The following NFKBIL1 variants were observed in gnomAD, a reference collection of about 807,000 sequenced individuals.
NFKBIL1 encodes NF-kappa-B inhibitor-like protein 1.
Under a neutral mutation model 45.4 loss-of-function variants are expected in NFKBIL1, and 30 were observed. The ratio of observed to expected loss-of-function variants is 0.66; its 90% CI spans 0.49 to 0.90. NFKBIL1 has a LOEUF of 0.90. Ranked by LOEUF, NFKBIL1 falls within the 40% of genes least tolerant of loss-of-function variation. The pLI is 0.00. For synonymous variants in NFKBIL1, 179 were observed against 197.3 expected, an observed-to-expected ratio of 0.91 and a Z score of 0.78; for missense variants, 434 against 513.4, an observed-to-expected ratio of 0.85 and a Z score of 1.49.
intron 2 of NFKBIL1, among the ~76,000 whole-genome samples, chr6:31,550,512 T>C (rs1048314650): frequency 2.6e-5 from 4 of 152,228 alleles, no homozygotes; most frequent in East Asian, 1.9e-4. Flanking sequence ...GTAGGTTTAC[T>C]GAGTGCAGGC....
rs1167506731 is a variant in NFKBIL1 at position 31,558,109 on chromosome 6, A to G, written c.644A>G (p.Gln215Arg). Residue 215 changes from glutamine to arginine, a missense_variant, in exon 4 of 4, where the codon CAG becomes CGG. Coordinates refer to ENST00000376148, the MANE Select transcript of NFKBIL1 (RefSeq NM_005007.4). The surrounding 1 kb of genome is among the most constrained non-coding windows in gnomAD (Gnocchi z 7.2). ...LAREHAQKCQ[Q>R]QQREAEGSRR... is the part of the protein sequence containing the mutation. The stretch of plus-strand genomic sequence containing the variant: ...CGGGAACATGCCCAGAAGTGCCAGC[A>G]GCAGCAGCGAGAAGCAGAGGGATCC... The G allele has an allele frequency of 2.5e-6, 4 of 1,612,002 alleles. No homozygotes were observed. The highest frequency in any genetic ancestry group is 3.3e-5 in the Admixed American group (2 of 59,944).
intron 2 of NFKBIL1, among the ~76,000 whole-genome samples, chr6:31,555,126 A>G (rs1353682638): frequency 6.6e-6 from 1 of 152,096 alleles, no homozygotes. Context: ...CAACTTAATT[A>G]TATCCCTTTC....
chr6:31,549,541 C>A (rs1177377731), intron 2 of NFKBIL1, among the ~76,000 whole-genome samples: 1 of 150,668 alleles, frequency 6.6e-6, no homozygotes, highest in Non-Finnish European at 1.5e-5. Flanking sequence ...TGTGAGCCAC[C>A]ACACCTGGCC....
rs867085570 is a variant in NFKBIL1 at position 31,558,366 on chromosome 6, C to T, written c.901C>T (p.Pro301Ser). 6.4e-7 allele frequency: 1 copy of T among 1,554,806 alleles called. No homozygotes were observed. The highest frequency in any genetic ancestry group is 1.2e-5 in the South Asian group (1 of 84,632). Residue 301 changes from proline to serine, a missense_variant, in exon 4 of 4, where the codon CCC becomes TCC. By Grantham distance (74) the Pro-to-Ser change is moderately conservative. Coordinates refer to ENST00000376148, the MANE Select transcript of NFKBIL1 (RefSeq NM_005007.4). The surrounding 1 kb of genome is among the most constrained non-coding windows in gnomAD (Gnocchi z 7.2). ...RGSLWRFGDVPWPCPGGGDPE... is the reference protein window; with the variant it reads ...RGSLWRFGDVSWPCPGGGDPE... ...CAGCCTCTGGCGATTTGGTGATGTGCCCTGGCCCTGCCCTGGGGGAGGGGA... is the reference window on the plus strand; with the variant it reads ...CAGCCTCTGGCGATTTGGTGATGTGTCCTGGCCCTGCCCTGGGGGAGGGGA...
chr6:31,552,337 A>G (rs1769474156), intron 2 of NFKBIL1, among the ~76,000 whole-genome samples: 1 of 151,974 alleles, frequency 6.6e-6, no homozygotes, highest in Non-Finnish European at 1.5e-5. Flanking sequence ...CAGTGGCACA[A>G]TCTCGGCTCA....
At chr6:31,556,563 C>A in intron 2 of NFKBIL1, 1 of 384,764 alleles carries the variant, frequency 2.6e-6, no homozygotes, top group Admixed American at 2.7e-5. Context: ...TGGCACTCAG[C>A]TAACCTTGGG....
At position 31,553,283 on chromosome 6, in the gene NFKBIL1, C is replaced by G. The variant is rs192437545; in HGVS notation, c.335-4345C>G. Among the ~76,000 whole-genome samples, 207 of 152,214 alleles carry G rather than the reference C, an allele frequency of 1.4e-3. 13 individuals carry two copies. The South Asian group carries it at 0.034, about 25-fold the overall frequency. On this transcript the variant is annotated intron_variant, in intron 2 of 3. Transcript: ENST00000376148. Reference sequence around the variant, plus strand: ...TCCTGTCCTGACCTGAGGTGATCCACCCACCTCAGCTTCCCAAAGTGCTGG... The same window carrying G: ...TCCTGTCCTGACCTGAGGTGATCCAGCCACCTCAGCTTCCCAAAGTGCTGG...
At chr6:31,553,725 G>A (rs1385727384) in intron 2 of NFKBIL1, among the ~76,000 whole-genome samples, 4 of 152,012 alleles carry the variant, frequency 2.6e-5, no homozygotes, top group Non-Finnish European at 5.9e-5. Flanking sequence ...GTCCAGTCGC[G>A]CAATCTTGGC....
chr6:31,549,433 G>A (rs1251921709), intron 2 of NFKBIL1, among the ~76,000 whole-genome samples: 1 of 149,910 alleles, frequency 6.7e-6, no homozygotes, highest in African/African-American at 2.5e-5. Context: ...TATATTTTTA[G>A]AAGAGATGGG....
intron 2 of NFKBIL1, among the ~76,000 whole-genome samples, chr6:31,550,914 C>T (rs538351032): frequency 6.6e-6 from 1 of 152,224 alleles, no homozygotes; most frequent in Admixed American, 6.5e-5. Flanking sequence ...CTCAAACTCC[C>T]GACCTCAGGT....
At chr6:31,550,246 C>G (rs1434158853) in intron 2 of NFKBIL1, among the ~76,000 whole-genome samples, 1 of 151,680 alleles carries the variant, frequency 6.6e-6, no homozygotes, top group Non-Finnish European at 1.5e-5. Flanking sequence ...ATAGGTAGAG[C>G]CCTGCTTACT....
rs780357646 is a variant in NFKBIL1, at chr6:31,557,701, G to A, written c.408G>A (p.Glu136=). 6.2e-7 allele frequency: 1 copy of A among 1,605,210 alleles called. No homozygotes were observed. Among genetic ancestry groups the A allele is most frequent in the South Asian group, 1.1e-5 (1 of 89,630 alleles). Residue 136 remains glutamate (E), a synonymous_variant, in exon 3 of 4, where the codon GAG becomes GAA. Coordinates refer to ENST00000376148, the MANE Select transcript of NFKBIL1 (RefSeq NM_005007.4). The surrounding 1 kb of genome is among the most constrained non-coding windows in gnomAD (Gnocchi z 5.4). ...TGGGAATAAAGAATAAGGATGGGGA[G>A]ACCCCTGGCCAAATTTTGGGCTGGG... ...SAMGIKNKDG[E]TPGQILGWGP... is the part of the protein sequence containing the mutation.
chr6:31,558,269 T>G lies in NFKBIL1; in HGVS notation c.804T>G (p.Ala268=). 1 of 1,588,904 alleles carries G rather than the reference T, an allele frequency of 6.3e-7. No homozygotes were observed. Among genetic ancestry groups the G allele is most frequent in the Non-Finnish European group, 8.6e-7 (1 of 1,167,650 alleles). ...RESRARRAQE[A]LGDREPKPTR... ...GCCGAGCCAGGAGGGCGCAGGAGGC[T>G]CTAGGGGACCGAGAACCCAAGCCAA... The change falls in exon 4 of 4, where the codon GCT becomes GCG. Residue 268 remains alanine, a synonymous_variant. Coordinates refer to ENST00000376148, the MANE Select transcript of NFKBIL1 (RefSeq NM_005007.4). This position sits in a 1 kb window ranked among gnomAD's most constrained non-coding sequence, Gnocchi z 7.2.
In NFKBIL1 at chr6:31,557,562, A is replaced by G; in HGVS notation, c.335-66A>G. 1 of 1,327,810 alleles carries G rather than the reference A, an allele frequency of 7.5e-7. No individual in the cohort carries two copies. The highest frequency in any genetic ancestry group is 2.4e-5 in the East Asian group (1 of 40,930). The allele number at this position is 1,327,810 out of a possible 1,614,324, so 82.3% of individuals were successfully genotyped here. On this transcript the variant is annotated intron_variant, in intron 2 of 3. Transcript: ENST00000376148. This position sits in a 1 kb window ranked among gnomAD's most constrained non-coding sequence, Gnocchi z 5.4. ...GGGAGCGAGTGACCAGCAGGATTCA[A>G]GATGGCAGCTCTGCCGAGGAGTGGG... is the stretch of plus-strand genomic sequence containing the variant.
intron 2 of NFKBIL1, among the ~76,000 whole-genome samples, chr6:31,552,853 C>T (rs1322482098): frequency 8.8e-5 from 13 of 147,706 alleles, no homozygotes; most frequent in Admixed American, 3.4e-4. Context: ...TACAGGCGCC[C>T]GCCACCACGC....
Position 31,557,303 on chromosome 6 carries a change from T to G in NFKBIL1, c.335-325T>G, listed in dbSNP as rs1303180345. ...TTTGTATTTTTTAGTAGAGATGGGA[T>G]TTCACCATGTTAGCCAGGATGGTCT... On this transcript the variant is annotated intron_variant, in intron 2 of 3. Coordinates refer to ENST00000376148, the MANE Select transcript of NFKBIL1 (RefSeq NM_005007.4). The surrounding 1 kb of genome is among the most constrained non-coding windows in gnomAD (Gnocchi z 5.4). Among the ~76,000 whole-genome samples, 1 of 152,098 alleles carries G rather than the reference T, an allele frequency of 6.6e-6. No individual in the cohort carries two copies. Among genetic ancestry groups the G allele is most frequent in the Non-Finnish European group, 1.5e-5 (1 of 68,002 alleles).
At chr6:31,555,804 A>G (rs1447755275) in intron 2 of NFKBIL1, among the ~76,000 whole-genome samples, 1 of 148,200 alleles carries the variant, frequency 6.7e-6, no homozygotes, top group Non-Finnish European at 1.5e-5. Flanking sequence ...TATAAAATAT[A>G]ATTATATATA....
In NFKBIL1 at chr6:31,558,760, G is replaced by T. The variant is rs200210473; in HGVS notation, c.*149G>T. On this transcript the variant is annotated 3_prime_UTR_variant, in exon 4 of 4. Coordinates refer to ENST00000376148, the MANE Select transcript of NFKBIL1 (RefSeq NM_005007.4). The surrounding 1 kb of genome is among the most constrained non-coding windows in gnomAD (Gnocchi z 7.2). The stretch of plus-strand genomic sequence containing the variant: ...AGCGAAAGTTGTAACAAGTGGGGGT[G>T]GGGGGTGCGGGCCGCCACCACTGCT... 2 of 647,262 alleles carry T rather than the reference G, an allele frequency of 3.1e-6. No individual in the cohort carries two copies. The highest frequency in any genetic ancestry group is 2.2e-5 in the South Asian group (1 of 46,020). The allele number at this position is 647,262 out of a possible 1,614,324, so 40.1% of individuals were successfully genotyped here. A position where few individuals can be genotyped will look rare whatever the true frequency, so the allele number is the denominator to read the frequency against.
Position 31,558,049 on chromosome 6 carries a change from C to T in NFKBIL1, c.584C>T (p.Pro195Leu). 6.2e-7 allele frequency: 1 copy of T among 1,610,570 alleles called. No individual in the cohort carries two copies. Among genetic ancestry groups the T allele is most frequent in the South Asian group, 1.1e-5 (1 of 90,694 alleles). ...GATGCCTCCCATGAAACCCAGGAAC[C>T]TGAGTCCTTCTCAGCCTGGTCAGAT... ...EGDASHETQE[P>L]ESFSAWSDRL... Residue 195 changes from proline to leucine, a missense_variant, in exon 4 of 4, where the codon CCT becomes CTT. By Grantham distance (98) the Pro-to-Leu change is moderately conservative. This residue lies in a region of NFKBIL1 where 23 missense variants were observed against 46.9 expected (regional missense o/e 0.49). Coordinates refer to ENST00000376148, the MANE Select transcript of NFKBIL1 (RefSeq NM_005007.4). The surrounding 1 kb of genome is among the most constrained non-coding windows in gnomAD (Gnocchi z 7.2).
Sources: gnomAD v4.1 joint callset for allele counts (sites outside exome capture counted in the v4.1 genomes callset) on GRCh38, gnomAD v4.1.1 for gene constraint, gnomAD v4.1.1 regional missense constraint, Gnocchi (gnomAD v3.1) non-coding constraint, MANE v1.5 for transcripts, NCBI Gene and HGNC (gene_info 2026-07-23, HGNC 2026-07-21) for gene names.